Variants in IKBKE observed in about 807,000 individuals in gnomAD.
IKBKE encodes inhibitor of nuclear factor kappa B kinase subunit epsilon.
Under a neutral mutation model 92.1 loss-of-function variants are expected in IKBKE, and 45 were observed. The observed-to-expected ratio is 0.49, with a 90% confidence interval of 0.38 to 0.63. The LOEUF (loss-of-function observed/expected upper bound fraction) is 0.63. Ranked by LOEUF, IKBKE falls within the 20% of genes least tolerant of loss-of-function variation. The pLI is 0.00. For missense variants in IKBKE, 700 were observed against 932.8 expected (o/e 0.75, Z 3.25); for synonymous variants, 374 against 380.3 (o/e 0.98, Z 0.19).
In IKBKE at chr1:206,476,574, G is replaced by T. The variant is rs927954428; in HGVS notation, c.541-104G>T. 14 of 1,374,656 alleles carry T rather than the reference G, an allele frequency of 1.0e-5. No individual in the cohort carries two copies. Among genetic ancestry groups the T allele is most frequent in the South Asian group, 1.3e-5 (1 of 76,526 alleles). 85.2% of individuals were successfully genotyped at this position (1,374,656 alleles called of 1,614,324 possible). A position where few individuals can be genotyped will look rare whatever the true frequency, so the allele number is the denominator to read the frequency against. ...TTTTTAAGATGACAAAGAAGGATTT[G>T]AACAGTTCTGTTTTCACCTGCAGGC... On this transcript the variant is annotated intron_variant, in intron 6 of 21. Transcript: ENST00000581977. The surrounding 1 kb of genome is among the most constrained non-coding windows in gnomAD (Gnocchi z 5.1).
intron 5 of IKBKE, among the ~76,000 whole-genome samples, chr1:206,475,428 G>A (rs1665006514): frequency 6.6e-6 from 1 of 152,144 alleles, no homozygotes; most frequent in South Asian, 2.1e-4. Flanking sequence ...TGTTTAATAA[G>A]TATGGTTTCA....
At chr1:206,489,388 TATATATATATATACAC>T (rs1486046490) in intron 16 of IKBKE, among the ~76,000 whole-genome samples, 1 of 142,630 alleles carries the variant, frequency 7.0e-6, no homozygotes, top group African/African-American at 2.7e-5. Flanking sequence ...TATATATATA[TATATATATATATACAC>T]ACACACACAT....
intron 10 of IKBKE, among the ~76,000 whole-genome samples, chr1:206,479,493 C>T (rs1196333022): frequency 3.3e-5 from 5 of 152,148 alleles, no homozygotes; most frequent in African/African-American, 1.2e-4. Flanking sequence ...GGAAGGGGGT[C>T]GGGGTCCAGA....
chr1:206,476,396 C>T lies in IKBKE; in HGVS notation c.540+34C>T. 6.4e-7 allele frequency: 1 copy of T among 1,572,416 alleles called. No homozygotes were observed. The highest frequency in any genetic ancestry group is 8.7e-7 in the Non-Finnish European group (1 of 1,154,654). On this transcript the variant is annotated intron_variant, in intron 6 of 21. Coordinates refer to ENST00000581977, the MANE Select transcript of IKBKE (RefSeq NM_014002.4). The surrounding 1 kb of genome is among the most constrained non-coding windows in gnomAD (Gnocchi z 5.1). ...GCTGCTCGAGACCCGCTGCCCTATG[C>T]TGAGGGCTCCCCTTGCCTTGTGAGC...
Position 206,496,551 on chromosome 1 carries a change from G to A in IKBKE, c.*406G>A, listed in dbSNP as rs1666249816. On this transcript the variant is annotated 3_prime_UTR_variant, in exon 22 of 22. Transcript: ENST00000581977. ...GAGGAGGCCTCCTGGGGTTTCCCCAGGGCAGTAGGTCAAACGACCTCATCA... is the reference window on the plus strand; with the variant it reads ...GAGGAGGCCTCCTGGGGTTTCCCCAAGGCAGTAGGTCAAACGACCTCATCA... 3.8e-6 allele frequency: 1 copy of A among 263,856 alleles called. No individual in the cohort carries two copies. 16.3% of individuals were successfully genotyped at this position (263,856 alleles called of 1,614,324 possible). A position where few individuals can be genotyped will look rare whatever the true frequency, so the allele number is the denominator to read the frequency against.
At chr1:206,491,359 C>T in intron 17 of IKBKE, 1 of 397,156 alleles carries the variant, frequency 2.5e-6, no homozygotes, top group Non-Finnish European at 4.7e-6. Flanking sequence ...GCCTCACTTT[C>T]CCTTCCCTTT....
chr1:206,477,061 T>C (rs1665107705), intron 7 of IKBKE, among the ~76,000 whole-genome samples: 1 of 152,212 alleles, frequency 6.6e-6, no homozygotes, highest in South Asian at 2.1e-4. Flanking sequence ...TCTATGTTAG[T>C]TCGGTGCTTC....
intron 12 of IKBKE, 93 bp downstream of exon 12, chr1:206,480,206 G>T (rs1665299512): frequency 5.5e-6 from 2 of 366,004 alleles, no homozygotes; most frequent in Admixed American, 8.4e-5. Context: ...GAGATGGGTG[G>T]GGGGTGGGCA....
chr1:206,493,455 C>T lies in IKBKE; in HGVS notation c.2045+77C>T, dbSNP rs1666058600. On this transcript the variant is annotated intron_variant, in intron 20 of 21. Transcript: ENST00000581977. ...GGAGCAGAGTATGCTGAGGTTAGAGCCTGAGGGGTTTGGCGTCATGCCAGG... is the reference window on the plus strand; with the variant it reads ...GGAGCAGAGTATGCTGAGGTTAGAGTCTGAGGGGTTTGGCGTCATGCCAGG... 8 of 1,137,812 alleles carry T rather than the reference C, an allele frequency of 7.0e-6. No homozygotes were observed. The South Asian group carries it at 1.0e-4, about 15-fold the overall frequency. The allele number at this position is 1,137,812 out of a possible 1,614,324, so 70.5% of individuals were successfully genotyped here.
At position 206,478,206 on chromosome 1, in the gene IKBKE, G is replaced by T; in HGVS notation, c.859G>T (p.Val287Leu). 2 of 1,614,150 alleles carry T rather than the reference G, an allele frequency of 1.2e-6. No individual in the cohort carries two copies. Among genetic ancestry groups the T allele is most frequent in the Non-Finnish European group, 8.5e-7 (1 of 1,180,040 alleles). The change falls in exon 9 of 22, where the codon GTG becomes TTG. Residue 287 changes from valine (V) to leucine (L), a missense_variant. Coordinates refer to ENST00000581977, the MANE Select transcript of IKBKE (RefSeq NM_014002.4). The surrounding 1 kb of genome is among the most constrained non-coding windows in gnomAD (Gnocchi z 4.8). Reference sequence around the variant, plus strand: ...GCCCATCCTGGCCAACATCCTGGAGGTGGAGCAGGCCAAGTGCTGGGGCTT... The same window carrying T: ...GCCCATCCTGGCCAACATCCTGGAGTTGGAGCAGGCCAAGTGCTGGGGCTT... ...LVPILANILE[V>L]EQAKCWGFDQ...
Position 206,496,260 on chromosome 1 carries a change from C to A in IKBKE, c.*115C>A. Reference sequence around the variant, plus strand: ...CATCCCATCACATCAGCCTACCTCCCTCCTGGCTGCTGGCCAGGATGTCGC... The same window carrying A: ...CATCCCATCACATCAGCCTACCTCCATCCTGGCTGCTGGCCAGGATGTCGC... On this transcript the variant is annotated 3_prime_UTR_variant, in exon 22 of 22. Coordinates refer to ENST00000581977, the MANE Select transcript of IKBKE (RefSeq NM_014002.4). 2.4e-6 allele frequency: 2 copies of A among 840,140 alleles called. No individual in the cohort carries two copies. Among genetic ancestry groups the A allele is most frequent in the South Asian group, 1.4e-5 (1 of 70,644 alleles). 52.0% of individuals were successfully genotyped at this position (840,140 alleles called of 1,614,324 possible). A position where few individuals can be genotyped will look rare whatever the true frequency, so the allele number is the denominator to read the frequency against.
chr1:206,483,417 C>T (rs1665500431), intron 13 of IKBKE, among the ~76,000 whole-genome samples: 2 of 152,198 alleles, frequency 1.3e-5, no homozygotes, highest in South Asian at 2.1e-4. Context: ...CTCAGTAACG[C>T]CTTCAGCATC....
chr1:206,474,627 G>A (rs1664958384), intron 4 of IKBKE, among the ~76,000 whole-genome samples, 156 bp downstream of exon 4: 1 of 152,090 alleles, frequency 6.6e-6, no homozygotes, highest in Admixed American at 6.5e-5. Context: ...GCAAGGGGGT[G>A]GGGGCGGTGC....
chr1:206,472,930 C>T lies in IKBKE; in HGVS notation c.-32-266C>T, dbSNP rs1218992297. ...TGCCTCAGGAGGGGCTTCAAGGGAA[C>T]GTGGGGAGCCAGGACAGGCAGCAGG... On this transcript the variant is annotated intron_variant, in intron 2 of 21. Transcript: ENST00000581977. The T allele has an allele frequency of 3.8e-5, 16 of 424,224 alleles. 1 individual carries two copies. The highest frequency in any genetic ancestry group is 2.7e-4 in the African/African-American group (13 of 47,866). The allele number at this position is 424,224 out of a possible 1,614,324, so 26.3% of individuals were successfully genotyped here. A position where few individuals can be genotyped will look rare whatever the true frequency, so the allele number is the denominator to read the frequency against.
At chr1:206,474,630 G>A (rs1025606189) in intron 4 of IKBKE, among the ~76,000 whole-genome samples, 159 bp downstream of exon 4, 1 of 152,074 alleles carries the variant, frequency 6.6e-6, no homozygotes, top group Non-Finnish European at 1.5e-5. Context: ...AGGGGGTGGG[G>A]GCGGTGCACT....
At chr1:206,479,637 C>T (rs909835516) in intron 10 of IKBKE, among the ~76,000 whole-genome samples, 7 of 152,162 alleles carry the variant, frequency 4.6e-5, no homozygotes, top group Non-Finnish European at 8.8e-5. Flanking sequence ...TGATTTAGTC[C>T]ATTTTCAGCT....
chr1:206,484,932 C>G (rs1323756550), intron 13 of IKBKE, 65 bp from the exon 14 acceptor site: 13 of 1,302,708 alleles, frequency 1.0e-5, no homozygotes, highest in Non-Finnish European at 1.4e-5. Flanking sequence ...CAACAGAGCT[C>G]TCTGCCTCCC....
In IKBKE at chr1:206,476,685, A is replaced by G. The variant is rs376489390; in HGVS notation, c.548A>G (p.Asp183Gly). 1.9e-6 allele frequency: 3 copies of G among 1,614,064 alleles called. No homozygotes were observed. In the African/African-American group the frequency reaches 4.0e-5, roughly 22 times the overall value. ...VYGTEEYLHP[D>G]MYERAVLRKP... ...TCTGGTTCTCTCCGGCAGCATCCCG[A>G]CATGTATGAGCGGGCGGTGCTTCGA... Residue 183 changes from aspartate (D) to glycine (G), a missense_variant, in exon 7 of 22, where the codon GAC becomes GGC. By Grantham distance (94) the Asp-to-Gly change is moderately conservative. Transcript: ENST00000581977. The surrounding 1 kb of genome is among the most constrained non-coding windows in gnomAD (Gnocchi z 5.1).
intron 3 of IKBKE, 144 bp downstream of exon 3, chr1:206,473,458 G>T: frequency 3.2e-6 from 2 of 626,012 alleles, no homozygotes; most frequent in South Asian, 4.3e-5. Flanking sequence ...CATACTGTGG[G>T]TTTGAGCAGA....
Sources: gnomAD v4.1 joint callset for allele counts (sites outside exome capture counted in the v4.1 genomes callset) on GRCh38, gnomAD v4.1.1 for gene constraint, Gnocchi (gnomAD v3.1) non-coding constraint, MANE v1.5 for transcripts, NCBI Gene and HGNC (gene_info 2026-07-23, HGNC 2026-07-21) for gene names.